The following ZNF451 variants were observed in gnomAD, a reference collection of about 807,000 sequenced individuals.
The protein encoded by ZNF451 is E3 SUMO-protein ligase ZNF451.
Under a neutral mutation model 107.1 loss-of-function variants are expected in ZNF451, and 80 were observed. That is an observed-to-expected ratio of 0.75 (90% CI 0.62 to 0.90). The LOEUF (loss-of-function observed/expected upper bound fraction) is 0.90. ZNF451 is among the 40% of genes least tolerant of loss of function. The pLI is 0.00. For missense variants in ZNF451, 1,107 were observed against 1,236.2 expected, an observed-to-expected ratio of 0.90 and a Z score of 1.57; for synonymous variants, 362 against 406.5, an observed-to-expected ratio of 0.89 and a Z score of 1.32.
intron 13 of ZNF451, among the ~76,000 whole-genome samples, chr6:57,157,911 G>T (rs1218989033): frequency 6.6e-6 from 1 of 152,188 alleles, no homozygotes; most frequent in African/African-American, 2.4e-5. Flanking sequence ...GAAGTTTATT[G>T]TAGTTTATTG....
rs1830841478 is a variant in ZNF451, at chr6:57,124,731, T to C, written c.187-3T>C. On this transcript the variant is annotated splice_region_variant and splice_polypyrimidine_tract_variant and intron_variant, in intron 3 of 14. Coordinates refer to ENST00000370706, the MANE Select transcript of ZNF451 (RefSeq NM_001031623.3). ...AGGAATGAAAATTTTTTTCATGTTA[T>C]AGGAGAATATTAAACGTAAAGACCA... 6.3e-7 allele frequency: 1 copy of C among 1,576,912 alleles called. No homozygotes were observed. Among genetic ancestry groups the C allele is most frequent in the African/African-American group, 1.3e-5 (1 of 74,092 alleles).
intron 2 of ZNF451, chr6:57,091,434 C>T (rs1268644545): frequency 7.0e-6 from 1 of 142,022 alleles, no homozygotes; most frequent in Non-Finnish European, 1.5e-5. Context: ...CCCTTTGAGA[C>T]AGTAGTTTTC....
intron 7 of ZNF451, among the ~76,000 whole-genome samples, chr6:57,138,062 C>T (rs1284104632): frequency 4.6e-5 from 7 of 152,140 alleles, no homozygotes; most frequent in Non-Finnish European, 8.8e-5. Context: ...CTTCTATAAA[C>T]CAACATCTAA....
intron 3 of ZNF451, chr6:57,116,233 C>A (rs1830359303): frequency 6.6e-6 from 1 of 152,150 alleles, no homozygotes; most frequent in South Asian, 2.1e-4. Flanking sequence ...AACCAGCTAC[C>A]TTGACCCCCA....
At chr6:57,106,995 C>T in intron 3 of ZNF451, 3 of 928,176 alleles carry the variant, frequency 3.2e-6, no homozygotes, top group Non-Finnish European at 2.6e-6. Flanking sequence ...TTTATTAAAT[C>T]TTCTCTTATT....
chr6:57,091,932 T>C (rs949407727), intron 2 of ZNF451, among the ~76,000 whole-genome samples: 2 of 152,214 alleles, frequency 1.3e-5, no homozygotes, highest in Non-Finnish European at 2.9e-5. Flanking sequence ...CACAAGATTG[T>C]TTTATTGAAT....
chr6:57,157,873 T>G (rs1243280683), intron 13 of ZNF451, among the ~76,000 whole-genome samples: 1 of 152,234 alleles, frequency 6.6e-6, no homozygotes, highest in Non-Finnish European at 1.5e-5. Flanking sequence ...AAAAAAAAGG[T>G]GAACTTTTTA....
chr6:57,160,955 G>A, intron 13 of ZNF451, 129 bp from the exon 14 acceptor site: 1 of 504,800 alleles, frequency 2.0e-6, no homozygotes, highest in Non-Finnish European at 3.5e-6. Context: ...ACCTAGTGTG[G>A]GAAAGTAGTG....
intron 14 of ZNF451, among the ~76,000 whole-genome samples, chr6:57,167,649 G>C (rs1435717679): frequency 1.3e-5 from 2 of 152,144 alleles, no homozygotes; most frequent in African/African-American, 4.8e-5. Flanking sequence ...AGTAGCCTCT[G>C]AGAGACTGTG....
chr6:57,112,276 G>C (rs775438779), intron 3 of ZNF451, among the ~76,000 whole-genome samples: 7 of 152,102 alleles, frequency 4.6e-5, no homozygotes, highest in Non-Finnish European at 1.0e-4. Context: ...TTTGAAATTG[G>C]GTTTTTATGA....
Position 57,099,128 on chromosome 6 carries a change from C to A in ZNF451, c.173C>A (p.Thr58Asn). ...LVSSDDEEPS[T>N]SYTDENIKRK... is the part of the protein sequence containing the mutation. ...AGCAGTGATGATGAAGAGCCTAGCA[C>A]CTCTTATACTGATGTAAGTACATTA... Residue 58 changes from threonine (T) to asparagine (N), a missense_variant, in exon 3 of 15, where the codon ACC becomes AAC. Thr to Asn is a moderately conservative substitution (Grantham distance 65, BLOSUM62 0). Around this residue, in one of 5 missense-constraint regions of ZNF451, gnomAD observed 339 missense variants for 372.8 expected, o/e 0.91. Coordinates refer to ENST00000370706, the MANE Select transcript of ZNF451 (RefSeq NM_001031623.3). The A allele has an allele frequency of 6.2e-7, 1 of 1,609,836 alleles. No individual in the cohort carries two copies. The highest frequency in any genetic ancestry group is 1.3e-5 in the African/African-American group (1 of 74,960).
intron 3 of ZNF451, among the ~76,000 whole-genome samples, chr6:57,110,903 CT>C (rs59117896): frequency 0.028 from 3,872 of 140,736 alleles, 156 homozygotes; most frequent in African/African-American, 0.088. Context: ...CCTTTACCTT[CT>C]TTTTTTTTTT....
In ZNF451 at chr6:57,145,636, CTT is replaced by C. The variant is rs142623639; in HGVS notation, c.1005-1449_1005-1448del. ...TTGCTTCAAAAGGCATGATTTCATT[CTT>C]TTTTATGACTCAGTAGTATTCCATG... is the stretch of plus-strand genomic sequence containing the variant. On this transcript the variant is annotated intron_variant, in intron 9 of 14. Transcript: ENST00000370706. Among the ~76,000 whole-genome samples the C allele has an allele frequency of 8.7e-3, 1,323 of 152,208 alleles. 17 individuals are homozygous for C. The highest frequency in any genetic ancestry group is 0.031 in the African/African-American group (1,278 of 41,548).
chr6:57,141,826 T>C (rs1380717785), intron 8 of ZNF451, 122 bp from the exon 9 acceptor site: 5 of 857,034 alleles, frequency 5.8e-6, no homozygotes, highest in Middle Eastern at 3.3e-4. Flanking sequence ...TAGATTTTTA[T>C]TGCCAAAATA....
rs772789092 is a variant in ZNF451, at chr6:57,128,795, A to C, written c.379A>C (p.Thr127Pro). ...GGAATTTATTCGAGGACATTCTGAT[A>C]CAGAAGCAGCAAGACTGTGTGTGGA... Reference protein sequence around the residue: ...ELEFIRGHSDTEAARLCVDQW... With the variant: ...ELEFIRGHSDPEAARLCVDQW... Residue 127 changes from threonine (T) to proline (P), a missense_variant, in exon 5 of 15, where the codon ACA (threonine) becomes CCA (proline). Thr to Pro is a conservative substitution (Grantham distance 38). Around this residue, in one of 5 missense-constraint regions of ZNF451, gnomAD observed 339 missense variants for 372.8 expected, o/e 0.91. Transcript: ENST00000370706. 3 of 1,613,176 alleles carry C rather than the reference A, an allele frequency of 1.9e-6. No individual in the cohort carries two copies. In the African/African-American group the frequency reaches 4.0e-5, roughly 22 times the overall value.
intron 3 of ZNF451, chr6:57,115,489 T>C (rs2127952292): frequency 6.6e-6 from 1 of 152,328 alleles, no homozygotes; most frequent in Admixed American, 6.5e-5. Context: ...AGATGTTTCG[T>C]CAGGTGTAAC....
intron 2 of ZNF451, among the ~76,000 whole-genome samples, chr6:57,096,429 G>A (rs546384214): frequency 2.7e-4 from 40 of 150,280 alleles, no homozygotes; most frequent in African/African-American, 8.5e-4. Flanking sequence ...CAGGCAATTC[G>A]CCCACCTTGG....
intron 5 of ZNF451, among the ~76,000 whole-genome samples, chr6:57,132,322 C>T (rs909415840): frequency 6.6e-6 from 1 of 152,186 alleles, no homozygotes; most frequent in African/African-American, 2.4e-5. Context: ...TCCTCTCTAC[C>T]CCAGTTACAT....
At chr6:57,104,262 T>A in intron 3 of ZNF451, 2 of 985,390 alleles carry the variant, frequency 2.0e-6, no homozygotes, top group African/African-American at 3.5e-5. Flanking sequence ...ATTGCACCAA[T>A]CAAGCAATCC....
Sources: allele counts gnomAD v4.1 joint callset (sites outside exome capture counted in the v4.1 genomes callset), GRCh38; gene constraint gnomAD v4.1.1; regional missense constraint gnomAD v4.1.1; transcripts MANE v1.5; gene names NCBI Gene and HGNC (gene_info 2026-07-23, HGNC 2026-07-21).